CSMD3: variants seen among roughly 807,000 people sequenced by gnomAD.
CSMD3 encodes the protein CUB and Sushi multiple domains 3, also known as CUB and sushi domain-containing protein 3.
A neutral mutation model predicts 435.2 loss-of-function variants in CSMD3; 177 were observed. That is an observed-to-expected ratio of 0.41 (90% confidence interval 0.36 to 0.46). CSMD3 has a LOEUF of 0.46. CSMD3 is among the 20% of genes least tolerant of loss of function. CSMD3 has a pLI of 0.34. For missense variants in CSMD3, 4,265 were observed against 4,504.6 expected (o/e 0.95, Z 1.52); for synonymous variants, 1,656 against 1,520.5 (o/e 1.09, Z -2.07).
chr8:113,281,688 G>A (rs1415435915), intron 2 of CSMD3, among the ~76,000 whole-genome samples: 2 of 151,808 alleles, frequency 1.3e-5, no homozygotes, highest in Non-Finnish European at 2.9e-5. Context: ...AGGTACCCTT[G>A]CATACATCGT....
Position 113,098,974 on chromosome 8 carries a change from T to C in CSMD3, c.710-11A>G. ...CACAAGCATCTTCAGCTGTTAAAAA[T>C]GACAAAATATTCAGTTGTAAGTTAT... On this transcript the variant is annotated splice_polypyrimidine_tract_variant and intron_variant, in intron 4 of 70. Coordinates refer to ENST00000297405, the MANE Select transcript of CSMD3 (RefSeq NM_198123.2). 1.3e-6 allele frequency: 2 copies of C among 1,552,042 alleles called. No homozygotes were observed. Among genetic ancestry groups the C allele is most frequent in the Non-Finnish European group, 1.8e-6 (2 of 1,124,262 alleles).
At chr8:112,629,324 C>T (rs1799728780) in intron 22 of CSMD3, among the ~76,000 whole-genome samples, 1 of 152,054 alleles carries the variant, frequency 6.6e-6, no homozygotes, top group South Asian at 2.1e-4. Context: ...GCCTCAGCCT[C>T]CCCAGTGGCT....
At chr8:113,259,244 C>G (rs1361846078) in intron 3 of CSMD3, among the ~76,000 whole-genome samples, 1 of 152,094 alleles carries the variant, frequency 6.6e-6, no homozygotes, top group East Asian at 1.9e-4. Flanking sequence ...CTGAATCAAT[C>G]AGAACTTGAT....
intron 11 of CSMD3, among the ~76,000 whole-genome samples, chr8:112,841,049 G>C (rs1026912049): frequency 6.6e-6 from 1 of 151,706 alleles, no homozygotes; most frequent in Non-Finnish European, 1.5e-5. Context: ...TTTAAAGAAA[G>C]ATAAATCAAG....
chr8:112,872,331 C>T (rs2081158814), intron 10 of CSMD3, among the ~76,000 whole-genome samples: 1 of 151,938 alleles, frequency 6.6e-6, no homozygotes, highest in African/African-American at 2.4e-5. Flanking sequence ...GGAGTCTAAT[C>T]CATGTCTGCA....
intron 10 of CSMD3, among the ~76,000 whole-genome samples, chr8:112,868,878 A>G (rs1441041070): frequency 6.6e-6 from 1 of 152,108 alleles, no homozygotes; most frequent in Non-Finnish European, 1.5e-5. Context: ...TGGATTAAAG[A>G]CTTAAATGTA....
chr8:112,286,987 C>CTAG, intron 58 of CSMD3, 77 bp downstream of exon 58: 1 of 1,167,020 alleles, frequency 8.6e-7, no homozygotes, highest in African/African-American at 1.5e-5. Flanking sequence ...AGTAATTTTC[C>CTAG]TAGTAGTACT....
chr8:112,534,374 C>T (rs1318420350), intron 27 of CSMD3, among the ~76,000 whole-genome samples: 1 of 152,088 alleles, frequency 6.6e-6, no homozygotes, highest in Non-Finnish European at 1.5e-5. Flanking sequence ...TACAAACTAC[C>T]ATCAGAGAAT....
At chr8:112,504,560 T>C (rs1007862648) in intron 29 of CSMD3, among the ~76,000 whole-genome samples, 1 of 152,152 alleles carries the variant, frequency 6.6e-6, no homozygotes, top group Non-Finnish European at 1.5e-5. Context: ...TTAGGCATTC[T>C]TTTTCCTGAA....
At chr8:112,498,184 G>T (rs200502419) in intron 30 of CSMD3, among the ~76,000 whole-genome samples, 15 of 152,078 alleles carry the variant, frequency 9.9e-5, no homozygotes, top group East Asian at 5.8e-4. Context: ...GTAAAATGGG[G>T]ATAGCAATAC....
At position 112,337,421 on chromosome 8, in the gene CSMD3, T is replaced by C. The variant is rs1824680519; in HGVS notation, c.6841+122A>G. 9 of 785,354 alleles carry C rather than the reference T, an allele frequency of 1.1e-5. 1 individual carries two copies. In the South Asian group the frequency reaches 1.3e-4, roughly 12 times the overall value. The allele number at this position is 785,354 out of a possible 1,614,324, so 48.6% of individuals were successfully genotyped here. A position where few individuals can be genotyped will look rare whatever the true frequency, so the allele number is the denominator to read the frequency against. The stretch of plus-strand genomic sequence containing the variant: ...TAGAGCCTTAGGGGTTTAAAAAATA[T>C]CTTCAGCTGAGAGACTATATATTTA... On this transcript the variant is annotated intron_variant, in intron 43 of 70. Coordinates refer to ENST00000297405, the MANE Select transcript of CSMD3 (RefSeq NM_198123.2).
intron 1 of CSMD3, among the ~76,000 whole-genome samples, chr8:113,356,674 A>T (rs1224325686): frequency 1.3e-5 from 2 of 152,162 alleles, no homozygotes; most frequent in African/African-American, 4.8e-5. Context: ...AGCATAGTCA[A>T]TGTAAATATT....
In CSMD3 at chr8:112,686,726, T is replaced by C. The variant is rs59458933; in HGVS notation, c.2156-994A>G. ...ATCTCGAACGCCTGACCTCAAGTGA[T>C]CCACCTGCCTCGGCCTCCGTAAGTA... On this transcript the variant is annotated intron_variant, in intron 14 of 70. Transcript: ENST00000297405. Among the ~76,000 whole-genome samples the C allele has an allele frequency of 3.7e-3, 557 of 152,186 alleles. 8 individuals are homozygous for C. The highest frequency in any genetic ancestry group is 0.013 in the African/African-American group (531 of 41,546).
At chr8:113,426,754 C>A (rs899605928) in intron 1 of CSMD3, among the ~76,000 whole-genome samples, 1 of 151,384 alleles carries the variant, frequency 6.6e-6, no homozygotes, top group Non-Finnish European at 1.5e-5. Flanking sequence ...ATACTAACAA[C>A]AATTGGATGC....
chr8:112,755,069 C>T (rs1468334878), intron 13 of CSMD3, among the ~76,000 whole-genome samples: 1 of 152,068 alleles, frequency 6.6e-6, no homozygotes, highest in Non-Finnish European at 1.5e-5. Context: ...AGGTGGCTCA[C>T]GCCTGTAATC....
At position 112,747,183 on chromosome 8, in the gene CSMD3, C is replaced by CTT. The variant is rs71309787; in HGVS notation, c.1972+52977_1972+52978dup. ...TATGATTATTTGTCTGCACACTTCC[C>CTT]TTTTTTTTTTTTTTTTTTTTTTTTT... On this transcript the variant is annotated intron_variant, in intron 13 of 70. Coordinates refer to ENST00000297405, the MANE Select transcript of CSMD3 (RefSeq NM_198123.2). 9.7e-4 allele frequency among the ~76,000 whole-genome samples: 26 copies of CTT among 26,930 alleles called. 2 individuals are homozygous for CTT. Among genetic ancestry groups the CTT allele is most frequent in the African/African-American group, 2.1e-3 (8 of 3,830 alleles). The allele number at this position is 26,930 out of a possible 152,430, so 17.7% of individuals were successfully genotyped here.
At chr8:112,638,169 G>T (rs1219794360) in intron 21 of CSMD3, among the ~76,000 whole-genome samples, 2 of 144,668 alleles carry the variant, frequency 1.4e-5, no homozygotes, top group Non-Finnish European at 3.0e-5. Flanking sequence ...TCTAATTCCA[G>T]AATAATAAAT....
At chr8:112,313,353 T>C (rs1021991590) in intron 49 of CSMD3, among the ~76,000 whole-genome samples, 15 of 152,152 alleles carry the variant, frequency 9.9e-5, no homozygotes, top group African/African-American at 3.6e-4. Context: ...TTTCGACATT[T>C]AAGATATTTT....
chr8:112,732,693 C>T (rs1181294992), intron 13 of CSMD3, among the ~76,000 whole-genome samples: 2 of 135,598 alleles, frequency 1.5e-5, no homozygotes, highest in South Asian at 4.6e-4. Flanking sequence ...GAGCAAGACT[C>T]CATCTCAAAA....
Sources: allele counts gnomAD v4.1 joint callset (sites outside exome capture counted in the v4.1 genomes callset), GRCh38; gene constraint gnomAD v4.1.1; transcripts MANE v1.5; gene names NCBI Gene and HGNC (gene_info 2026-07-23, HGNC 2026-07-21).